Variants in PCDHGA9 observed in about 807,000 individuals in gnomAD.
PCDHGA9 encodes the protein protocadherin gamma-A9.
Under a neutral mutation model 62.5 loss-of-function variants are expected in PCDHGA9, and 37 were observed. The ratio of observed to expected loss-of-function variants is 0.59; its 90% confidence interval spans 0.46 to 0.78. The LOEUF (loss-of-function observed/expected upper bound fraction) is 0.78. Ranked by LOEUF, PCDHGA9 falls within the 30% of genes least tolerant of loss-of-function variation. The pLI is 0.00. For missense variants in PCDHGA9, 1,138 were observed against 1,166.2 expected (o/e 0.98, Z 0.35); for synonymous variants, 459 against 484.6 (o/e 0.95, Z 0.69).
intron 1 of PCDHGA9, chr5:141,415,215 C>A: frequency 6.2e-7 from 1 of 1,614,106 alleles, no homozygotes; most frequent in South Asian, 1.1e-5. Flanking sequence ...CGGACCTCGG[C>A]AGCTTCGAGT....
rs754225999 is a variant in PCDHGA9, at chr5:141,489,509, T to C, written c.2425-5298T>C. The C allele has an allele frequency of 1.2e-6, 2 of 1,614,062 alleles. No homozygotes were observed. The highest frequency in any genetic ancestry group is 1.1e-5 in the South Asian group (1 of 91,074). On this transcript the variant is annotated intron_variant, in intron 1 of 3. Coordinates refer to ENST00000573521, the MANE Select transcript of PCDHGA9 (RefSeq NM_018921.3). The surrounding 1 kb of genome is among the most constrained non-coding windows in gnomAD (Gnocchi z 4.5). ...GGTGCCCTGGCAGTGAATCAAAAGA[T>C]TGACCGAGAAAGCCTATGTGGAGCC...
intron 1 of PCDHGA9, chr5:141,415,275 G>A (rs1242620005): frequency 5.6e-6 from 9 of 1,614,094 alleles, no homozygotes; most frequent in East Asian, 4.5e-5. Flanking sequence ...TGGTGGTAGC[G>A]GTGGCCGCGG....
rs770391604 is a variant in PCDHGA9, at chr5:141,431,437, G to A, written c.2424+26061G>A. On this transcript the variant is annotated intron_variant, in intron 1 of 3. Coordinates refer to ENST00000573521, the MANE Select transcript of PCDHGA9 (RefSeq NM_018921.3). The surrounding 1 kb of genome is among the most constrained non-coding windows in gnomAD (Gnocchi z 4.8). ...GCGACCCGGTGCGCACAGGCACCGC[G>A]CGCATCCGCGTGATGGTTCTGGATG... The A allele has an allele frequency of 7.4e-6, 12 of 1,613,710 alleles. No homozygotes were observed. In the East Asian group the frequency reaches 2.5e-4, roughly 33 times the overall value.
rs376895778 is a variant in PCDHGA9, at chr5:141,403,333, C to G, written c.381C>G (p.Asn127Lys). 6.2e-7 allele frequency: 1 copy of G among 1,613,984 alleles called. No individual in the cohort carries two copies. Among genetic ancestry groups the G allele is most frequent in the South Asian group, 1.1e-5 (1 of 91,088 alleles). The stretch of plus-strand genomic sequence containing the variant: ...TAGAAATAGAAGTAACTGATATTAA[C>G]GACAGCGCCCCAAAGTTCCAGGCCG... ...YGIEIEVTDI[N>K]DSAPKFQAES... The change falls in exon 1 of 4, where the codon AAC becomes AAG. Residue 127 changes from asparagine (N) to lysine (K), a missense_variant. Physicochemically the swap from Asn to Lys is moderately conservative, Grantham distance 94 (BLOSUM62 0). Transcript: ENST00000573521.
rs756144117 is a variant in PCDHGA9, at chr5:141,485,181, G to A, written c.2425-9626G>A. On this transcript the variant is annotated intron_variant, in intron 1 of 3. Transcript: ENST00000573521. This position sits in a 1 kb window ranked among gnomAD's most constrained non-coding sequence, Gnocchi z 5.7. ...AATTAGCGGGCGGCAGCAATGCTCC[G>A]CAAGGTGAGAAGCTGGACAGAAATC... 3.1e-6 allele frequency: 5 copies of A among 1,612,942 alleles called. No individual in the cohort carries two copies. The South Asian group carries it at 4.4e-5, about 14-fold the overall frequency.
At chr5:141,465,504 G>T (rs2099104593) in intron 1 of PCDHGA9, among the ~76,000 whole-genome samples, 2 of 152,152 alleles carry the variant, frequency 1.3e-5, no homozygotes. Context: ...GCATTGTCGT[G>T]GTCAGGAAGG....
chr5:141,450,006 C>CTATTTTT lies in PCDHGA9; in HGVS notation c.2424+44631_2424+44632insATTTTTT, dbSNP rs70988802. On this transcript the variant is annotated intron_variant, in intron 1 of 3. Coordinates refer to ENST00000573521, the MANE Select transcript of PCDHGA9 (RefSeq NM_018921.3). ...CACATTGCATTTAGTTGCCATGTCTCTTTTTTTTTTTTTTTTTTGAGACAG... is the reference window on the plus strand; with the variant it reads ...CACATTGCATTTAGTTGCCATGTCTCTATTTTTTTTTTTTTTTTTTTTTTTGAGACAG... Among the ~76,000 whole-genome samples, 248 of 132,920 alleles carry CTATTTTT rather than the reference C, an allele frequency of 1.9e-3. 8 individuals carry two copies. Among genetic ancestry groups the CTATTTTT allele is most frequent in the African/African-American group, 4.3e-3 (154 of 35,586 alleles). 87.2% of individuals were successfully genotyped at this position (132,920 alleles called of 152,430 possible). A position where few individuals can be genotyped will look rare whatever the true frequency, so the allele number is the denominator to read the frequency against.
At chr5:141,499,300 C>G (rs2154592463) in intron 2 of PCDHGA9, among the ~76,000 whole-genome samples, 1 of 152,292 alleles carries the variant, frequency 6.6e-6, no homozygotes, top group South Asian at 2.1e-4. Context: ...ACTACCATCC[C>G]TCCTCTGAGA....
intron 1 of PCDHGA9, among the ~76,000 whole-genome samples, chr5:141,448,837 C>CT (rs2098610093): frequency 6.6e-6 from 1 of 152,014 alleles, no homozygotes; most frequent in Non-Finnish European, 1.5e-5. Context: ...CCCAGCTACT[C>CT]TGGAGGCTGA....
At chr5:141,481,077 G>A (rs1251064585) in intron 1 of PCDHGA9, among the ~76,000 whole-genome samples, 5 of 151,906 alleles carry the variant, frequency 3.3e-5, no homozygotes, top group Non-Finnish European at 7.4e-5. Context: ...AAGAAAGAAA[G>A]AAAAAAGAAA....
At chr5:141,459,670 T>A (rs890411975) in intron 1 of PCDHGA9, among the ~76,000 whole-genome samples, 4 of 152,264 alleles carry the variant, frequency 2.6e-5, no homozygotes, top group African/African-American at 9.6e-5. Context: ...TACATTTTCA[T>A]GAGCAATGCA....
chr5:141,415,740 G>GTTTTTTTTTTTTTTTT (rs57426385), intron 1 of PCDHGA9: 34 of 625,042 alleles, frequency 5.4e-5, no homozygotes, highest in African/African-American at 2.0e-4. Flanking sequence ...GTTTATTAAG[G>GTTTTTTTTTTTTTTTT]TTTTTTTTTT....
In PCDHGA9 at chr5:141,454,796, A is replaced by ATTTTTT. The variant is rs61612330; in HGVS notation, c.2425-39987_2425-39982dup. Among the ~76,000 whole-genome samples the ATTTTTT allele has an allele frequency of 4.9e-3, 381 of 77,456 alleles. 41 individuals carry two copies. The highest frequency in any genetic ancestry group is 0.011 in the African/African-American group (178 of 16,882). 50.8% of individuals were successfully genotyped at this position (77,456 alleles called of 152,430 possible). ...AAGGAAATAATCCTCCATGGTTCTA[A>ATTTTTT]TTTTTTTTTTTTTTTTTTTTTTTTT... On this transcript the variant is annotated intron_variant, in intron 1 of 3. Coordinates refer to ENST00000573521, the MANE Select transcript of PCDHGA9 (RefSeq NM_018921.3).
At chr5:141,413,639 G>T (rs893578830) in intron 1 of PCDHGA9, 1 of 1,613,736 alleles carries the variant, frequency 6.2e-7, no homozygotes, top group African/African-American at 1.3e-5. Flanking sequence ...GCGGGAATGC[G>T]TTTTCCTCTC....
chr5:141,438,586 A>G (rs949534736), intron 1 of PCDHGA9, among the ~76,000 whole-genome samples: 2 of 56,254 alleles, frequency 3.6e-5, no homozygotes, highest in South Asian at 6.2e-4. Context: ...ATACATACAT[A>G]CATACATATA....
chr5:141,415,654 A>G, intron 1 of PCDHGA9: 1 of 1,573,242 alleles, frequency 6.4e-7, no homozygotes. Flanking sequence ...AAAAAAAAAG[A>G]TTGGTTTTTA....
At chr5:141,446,143 T>G (rs2098490523) in intron 1 of PCDHGA9, among the ~76,000 whole-genome samples, 1 of 152,204 alleles carries the variant, frequency 6.6e-6, no homozygotes, top group Admixed American at 6.5e-5. Flanking sequence ...AATAATGGAA[T>G]AGGTGGAATA....
intron 1 of PCDHGA9, among the ~76,000 whole-genome samples, chr5:141,467,304 C>T (rs567912553): frequency 2.0e-5 from 3 of 152,266 alleles, no homozygotes; most frequent in Admixed American, 6.5e-5. Flanking sequence ...CCACTCACCT[C>T]GGCCTCCCAC....
At chr5:141,408,677 G>A (rs2095149334) in intron 1 of PCDHGA9, 1 of 1,613,898 alleles carries the variant, frequency 6.2e-7, no homozygotes. Flanking sequence ...CCCTGCCACG[G>A]ATCCTGATAT....
Sources: allele counts gnomAD v4.1 joint callset (sites outside exome capture counted in the v4.1 genomes callset), GRCh38; gene constraint gnomAD v4.1.1; non-coding constraint Gnocchi (gnomAD v3.1); transcripts MANE v1.5; gene names NCBI Gene and HGNC (gene_info 2026-07-23, HGNC 2026-07-21).